Variants in TMEM87A observed in about 807,000 individuals in gnomAD.
TMEM87A encodes Golgi-pH regulating cation channel.
A neutral mutation model predicts 90.0 loss-of-function variants in TMEM87A; 50 were observed. That is an observed-to-expected ratio of 0.56 (90% confidence interval 0.44 to 0.70). The LOEUF is 0.70. TMEM87A is among the 30% of genes least tolerant of loss of function. The probability of loss-of-function intolerance (pLI) is 0.00; values close to 1 mark genes in which losing one functional copy is unlikely to be tolerated. For missense variants in TMEM87A, 577 were observed against 660.5 expected, an observed-to-expected ratio of 0.87 and a Z score of 1.39; for synonymous variants, 226 against 226.7, an observed-to-expected ratio of 1.00 and a Z score of 0.03.
chr15:42,239,374 T>C (rs1175071341), intron 8 of TMEM87A, among the ~76,000 whole-genome samples: 1 of 152,012 alleles, frequency 6.6e-6, no homozygotes, highest in Non-Finnish European at 1.5e-5. Flanking sequence ...TCAGAAACAA[T>C]AGAGTTGTAG....
At chr15:42,221,192 T>A (rs2050474321) in intron 15 of TMEM87A, among the ~76,000 whole-genome samples, 1 of 151,358 alleles carries the variant, frequency 6.6e-6, no homozygotes, top group South Asian at 2.1e-4. Context: ...GAAGTTGCAG[T>A]GAGCCAAGAT....
chr15:42,252,223 C>T (rs1010965800), intron 6 of TMEM87A, among the ~76,000 whole-genome samples: 9 of 152,198 alleles, frequency 5.9e-5, no homozygotes, highest in Non-Finnish European at 1.3e-4. Context: ...GATGTCCTGC[C>T]CTGCTTCGGC....
intron 11 of TMEM87A, among the ~76,000 whole-genome samples, chr15:42,231,582 AATCTATC>A (rs1212780830): frequency 1.3e-5 from 2 of 152,160 alleles, no homozygotes; most frequent in Non-Finnish European, 2.9e-5. Context: ...CCCCATCCTT[AATCTATC>A]ATTTCCTATT....
chr15:42,233,422 T>C (rs2050719286), intron 10 of TMEM87A, 116 bp from the exon 11 acceptor site: 2 of 687,284 alleles, frequency 2.9e-6, no homozygotes, highest in Non-Finnish European at 4.9e-6. Context: ...ATAAATAATA[T>C]ACACTTGATT....
At chr15:42,260,209 C>CA (rs869189964) in intron 6 of TMEM87A, among the ~76,000 whole-genome samples, 1 of 152,046 alleles carries the variant, frequency 6.6e-6, no homozygotes, top group African/African-American at 2.4e-5. Context: ...CCAACCCCCA[C>CA]AAAAAATTTT....
At chr15:42,255,568 T>C (rs902132701) in intron 6 of TMEM87A, among the ~76,000 whole-genome samples, 1 of 152,184 alleles carries the variant, frequency 6.6e-6, no homozygotes, top group Non-Finnish European at 1.5e-5. Flanking sequence ...GCCCTCTCTG[T>C]ACCTTTTACT....
chr15:42,249,665 C>G (rs2051047449), intron 6 of TMEM87A, among the ~76,000 whole-genome samples: 2 of 151,974 alleles, frequency 1.3e-5, no homozygotes. Context: ...ACTTCTTTTA[C>G]ATTTGTTGAT....
At chr15:42,255,070 T>G (rs2051152185) in intron 6 of TMEM87A, among the ~76,000 whole-genome samples, 1 of 151,588 alleles carries the variant, frequency 6.6e-6, no homozygotes, top group Admixed American at 6.6e-5. Flanking sequence ...GCTCAAGTGA[T>G]CCTCACTTCA....
intron 6 of TMEM87A, among the ~76,000 whole-genome samples, chr15:42,254,841 TA>T (rs1464207741): frequency 6.6e-6 from 1 of 152,208 alleles, no homozygotes; most frequent in Non-Finnish European, 1.5e-5. Context: ...CCTTAAACTA[TA>T]GACTTTGATA....
intron 6 of TMEM87A, among the ~76,000 whole-genome samples, chr15:42,259,805 G>A (rs1464252151): frequency 1.3e-5 from 2 of 152,186 alleles, no homozygotes; most frequent in Non-Finnish European, 2.9e-5. Flanking sequence ...TGTGCAAGCA[G>A]GAAGTAAAAG....
intron 4 of TMEM87A, among the ~76,000 whole-genome samples, chr15:42,262,978 G>A (rs2051326038): frequency 6.6e-6 from 1 of 152,168 alleles, no homozygotes. Flanking sequence ...AAAAATGTAT[G>A]ATTATTCACA....
chr15:42,255,942 T>TTC, intron 6 of TMEM87A, among the ~76,000 whole-genome samples: 1 of 149,228 alleles, frequency 6.7e-6, no homozygotes, highest in Admixed American at 6.6e-5. Context: ...GCTAATTTTT[T>TTC]TTTTTTTTTG....
At chr15:42,246,403 G>A (rs1473416434) in intron 6 of TMEM87A, among the ~76,000 whole-genome samples, 2 of 151,964 alleles carry the variant, frequency 1.3e-5, no homozygotes, top group Non-Finnish European at 2.9e-5. Flanking sequence ...CCATTAACTC[G>A]TCATTTACAT....
chr15:42,270,019 T>C (rs2051486703), intron 2 of TMEM87A, among the ~76,000 whole-genome samples: 2 of 141,954 alleles, frequency 1.4e-5, no homozygotes, highest in African/African-American at 5.3e-5. Context: ...AAGTACAAAA[T>C]CAAAGACAAC....
intron 2 of TMEM87A, among the ~76,000 whole-genome samples, chr15:42,268,673 CATAAATAAATAA>C (rs145708642): frequency 6.6e-6 from 1 of 151,162 alleles, no homozygotes; most frequent in Non-Finnish European, 1.5e-5. Flanking sequence ...TCTCAAAAAA[CATAAATAAATAA>C]ATAAATAAAT....
rs1176647715 is a variant in TMEM87A at position 42,211,214 on chromosome 15, C to T, written c.*494G>A. ...GAAGGGCCCTTTTTTCTCAAAACAACCTCTGCAAGATGTAACCTTGACTTC... is the reference window on the plus strand; with the variant it reads ...GAAGGGCCCTTTTTTCTCAAAACAATCTCTGCAAGATGTAACCTTGACTTC... On this transcript the variant is annotated 3_prime_UTR_variant, in exon 20 of 20. Coordinates refer to ENST00000389834, the MANE Select transcript of TMEM87A (RefSeq NM_015497.5). 1 of 149,778 alleles carries T rather than the reference C, an allele frequency of 6.7e-6. No individual in the cohort carries two copies. Among genetic ancestry groups the T allele is most frequent in the African/African-American group, 2.5e-5 (1 of 40,616 alleles). 9.3% of individuals were successfully genotyped at this position (149,778 alleles called of 1,614,324 possible).
At chr15:42,233,433 C>G (rs1025598916) in intron 10 of TMEM87A, 127 bp from the exon 11 acceptor site, 2 of 635,148 alleles carry the variant, frequency 3.1e-6, no homozygotes, top group African/African-American at 3.7e-5. Flanking sequence ...ACACTTGATT[C>G]ACCTAAGAGA....
intron 12 of TMEM87A, among the ~76,000 whole-genome samples, chr15:42,230,640 C>A (rs2050671010): frequency 6.6e-6 from 1 of 152,136 alleles, no homozygotes; most frequent in African/African-American, 2.4e-5. Flanking sequence ...ATTATTTATT[C>A]TGAAGGGTGG....
chr15:42,258,268 T>C (rs2051220789), intron 6 of TMEM87A: 4 of 756,998 alleles, frequency 5.3e-6, no homozygotes, highest in African/African-American at 1.9e-5. Flanking sequence ...AGATTCCCTT[T>C]TTAAAATAAT....
Sources: gnomAD v4.1 joint callset for allele counts (sites outside exome capture counted in the v4.1 genomes callset) on GRCh38, gnomAD v4.1.1 for gene constraint, MANE v1.5 for transcripts, NCBI Gene and HGNC (gene_info 2026-07-23, HGNC 2026-07-21) for gene names.